The following PCA3 variants were observed in gnomAD, a reference collection of about 807,000 sequenced individuals.
PCA3 encodes the protein Differential Display code 3.
chr9:76,776,464 G>A (rs2053755725), intron 2 of PCA3, among the ~76,000 whole-genome samples: 1 of 149,088 alleles, frequency 6.7e-6, no homozygotes, highest in South Asian at 2.1e-4. Flanking sequence ...CAAAAGCTGA[G>A]TAGTATATCA....
At position 76,770,936 on chromosome 9, in the gene PCA3, AG is replaced by A. The variant is rs552119103; in HGVS notation, n.852+34322del. 2.2e-3 allele frequency among the ~76,000 whole-genome samples: 340 copies of A among 152,330 alleles called. 3 individuals are homozygous for A. Among genetic ancestry groups the A allele is most frequent in the African/African-American group, 8.0e-3 (333 of 41,580 alleles). ...AATTAAATTTCAAAAAATCTGAAAA[AG>A]AAGAATTAGTAATTGATAAACTAAT... On this transcript the variant is annotated intron_variant and non_coding_transcript_variant, in intron 2 of 5. Coordinates refer to ENST00000644657, the Ensembl canonical transcript of PCA3.
At chr9:76,779,462 C>G (rs2054143132) in intron 2 of PCA3, among the ~76,000 whole-genome samples, 1 of 152,154 alleles carries the variant, frequency 6.6e-6, no homozygotes, top group Non-Finnish European at 1.5e-5. Context: ...ATGGGATGCA[C>G]TTATGAAAAA....
Position 76,767,796 on chromosome 9 carries a change from C to A in PCA3, n.852+31181C>A, listed in dbSNP as rs561514501. ...TGTAAAAACCCAGCTGGAGGGAGTG[C>A]ACACTGGCTCCTATCTTCTATCCGA... On this transcript the variant is annotated intron_variant and non_coding_transcript_variant, in intron 2 of 5. Transcript: ENST00000644657. Among the ~76,000 whole-genome samples, 4 of 152,176 alleles carry A rather than the reference C, an allele frequency of 2.6e-5. No homozygotes were observed. In the South Asian group the frequency reaches 6.2e-4, roughly 24 times the overall value.
intron 2 of PCA3, among the ~76,000 whole-genome samples, chr9:76,769,445 A>G (rs1250365279): frequency 6.6e-6 from 1 of 152,202 alleles, no homozygotes; most frequent in African/African-American, 2.4e-5. Context: ...AATGTTGTTA[A>G]GAGTTTCGCT....
At chr9:76,773,299 C>T (rs7037399) in intron 2 of PCA3, among the ~76,000 whole-genome samples, 82,132 of 151,482 alleles carry the variant, frequency 0.54, 23,857 homozygotes, top group African/African-American at 0.76. Flanking sequence ...ATAGAAATTT[C>T]TGTAAACCCT....
At chr9:76,776,941 C>CACAG (rs1554763789) in intron 2 of PCA3, among the ~76,000 whole-genome samples, 7 of 144,898 alleles carry the variant, frequency 4.8e-5, no homozygotes, top group African/African-American at 1.8e-4. Flanking sequence ...CACACACACA[C>CACAG]ACACAAAGGG....
chr9:76,770,165 T>C (rs1406894765), intron 2 of PCA3, among the ~76,000 whole-genome samples: 1 of 152,210 alleles, frequency 6.6e-6, no homozygotes. Context: ...ATAACATTTA[T>C]AGTAAAACTT....
At chr9:76,781,476 C>A (rs779210296) in intron 2 of PCA3, among the ~76,000 whole-genome samples, 4 of 152,226 alleles carry the variant, frequency 2.6e-5, no homozygotes, top group Non-Finnish European at 5.9e-5. Flanking sequence ...AATGCTCTTA[C>A]CCCTAGTCCT....
chr9:76,781,156 T>C, intron 2 of PCA3, among the ~76,000 whole-genome samples: 1 of 152,160 alleles, frequency 6.6e-6, no homozygotes, highest in East Asian at 1.9e-4. Context: ...TCTCCCATGG[T>C]CTATGAAGGC....
At chr9:76,765,798 A>G (rs2052300043) in intron 2 of PCA3, among the ~76,000 whole-genome samples, 1 of 152,192 alleles carries the variant, frequency 6.6e-6, no homozygotes, top group Non-Finnish European at 1.5e-5. Flanking sequence ...TCTGGGACTC[A>G]CTTTCCTTAT....
At chr9:76,779,833 C>T (rs1339794253) in intron 2 of PCA3, 1 of 152,204 alleles carries the variant, frequency 6.6e-6, no homozygotes, top group African/African-American at 2.4e-5. Flanking sequence ...GTCCCATTAT[C>T]ACCATATGTC....
At chr9:76,772,650 G>A (rs1409007344) in intron 2 of PCA3, among the ~76,000 whole-genome samples, 1 of 151,986 alleles carries the variant, frequency 6.6e-6, no homozygotes, top group Non-Finnish European at 1.5e-5. Flanking sequence ...TGTAGCCTTG[G>A]CCTCCCAGAC....
At chr9:76,778,453 T>C (rs1343557650) in intron 2 of PCA3, 1 of 152,184 alleles carries the variant, frequency 6.6e-6, no homozygotes, top group Non-Finnish European at 1.5e-5. Context: ...GAAGTGGACT[T>C]TCAAACTGGG....
intron 2 of PCA3, among the ~76,000 whole-genome samples, chr9:76,774,767 T>A (rs1002367533): frequency 1.3e-5 from 2 of 152,128 alleles, no homozygotes; most frequent in African/African-American, 4.8e-5. Context: ...CCCAATTCTT[T>A]AAACCAGAAT....
intron 2 of PCA3, among the ~76,000 whole-genome samples, chr9:76,766,762 A>AT (rs35040966): frequency 0.33 from 49,783 of 151,810 alleles, 8,385 homozygotes; most frequent in South Asian, 0.42. Context: ...CAATCCCCAG[A>AT]TTTTTTCATG....
intron 2 of PCA3, among the ~76,000 whole-genome samples, chr9:76,776,313 C>T (rs934422591): frequency 1.3e-5 from 2 of 151,726 alleles, no homozygotes; most frequent in Non-Finnish European, 2.9e-5. Flanking sequence ...TTGGACTCTC[C>T]GATGTTATTA....
chr9:76,780,045 A>G (rs1283407480), intron 2 of PCA3: 1 of 152,226 alleles, frequency 6.6e-6, no homozygotes, highest in Non-Finnish European at 1.5e-5. Flanking sequence ...ATATGTAGGA[A>G]AAATACTGGT....
At chr9:76,764,802 C>T (rs1228411320) in intron 2 of PCA3, among the ~76,000 whole-genome samples, 1 of 152,128 alleles carries the variant, frequency 6.6e-6, no homozygotes, top group Non-Finnish European at 1.5e-5. Context: ...AAGCTATTTG[C>T]TTGGCTTCCA....
intron 2 of PCA3, among the ~76,000 whole-genome samples, chr9:76,765,355 G>A (rs1485895807): frequency 6.6e-6 from 1 of 152,220 alleles, no homozygotes; most frequent in Non-Finnish European, 1.5e-5. Flanking sequence ...ATGCTATGAA[G>A]AAAGATAAGA....
Sources: gnomAD v4.1 joint callset for allele counts (sites outside exome capture counted in the v4.1 genomes callset) on GRCh38, gnomAD v4.1.1 for gene constraint, MANE v1.5 for transcripts, NCBI Gene and HGNC (gene_info 2026-07-23, HGNC 2026-07-21) for gene names.